NEDD4: variants seen among roughly 807,000 people sequenced by gnomAD.
NEDD4 encodes the protein E3 ubiquitin-protein ligase NEDD4.
Under a neutral mutation model 144.9 loss-of-function variants are expected in NEDD4, and 99 were observed. The ratio of observed to expected loss-of-function variants is 0.68; its 90% CI spans 0.58 to 0.81. NEDD4 has a LOEUF of 0.81. Ranked by LOEUF, NEDD4 falls within the 30% of genes least tolerant of loss-of-function variation. The pLI is 0.00. For missense variants in NEDD4, 985 were observed against 1,065.9 expected, an observed-to-expected ratio of 0.92 and a Z score of 1.06; for synonymous variants, 318 against 350.6, an observed-to-expected ratio of 0.91 and a Z score of 1.04.
intron 5 of NEDD4, among the ~76,000 whole-genome samples, chr15:55,907,044 A>G (rs1566944556): frequency 6.6e-6 from 1 of 152,018 alleles, no homozygotes; most frequent in Non-Finnish European, 1.5e-5. Context: ...GCAGTGAGCC[A>G]AGATCACGGC....
Position 55,838,089 on chromosome 15 carries a change from T to C in NEDD4, c.2201+18A>G. 1 of 1,320,996 alleles carries C rather than the reference T, an allele frequency of 7.6e-7. No homozygotes were observed. Among genetic ancestry groups the C allele is most frequent in the South Asian group, 1.3e-5 (1 of 76,304 alleles). 81.8% of individuals were successfully genotyped at this position (1,320,996 alleles called of 1,614,324 possible). On this transcript the variant is annotated intron_variant, in intron 23 of 28. Transcript: ENST00000435532. ...ACAAAATTATATCCAATAAAATACATACTAATAAAATACTTACTAAATATA... is the reference window on the plus strand; with the variant it reads ...ACAAAATTATATCCAATAAAATACACACTAATAAAATACTTACTAAATATA...
At chr15:55,961,623 A>C (rs1181415403) in intron 2 of NEDD4, among the ~76,000 whole-genome samples, 2 of 151,952 alleles carry the variant, frequency 1.3e-5, no homozygotes, top group African/African-American at 4.8e-5. Context: ...GGAGCCCACC[A>C]CCACACCCGG....
intron 8 of NEDD4, among the ~76,000 whole-genome samples, chr15:55,863,310 A>T (rs1216962519): frequency 6.6e-6 from 1 of 152,126 alleles, no homozygotes; most frequent in Non-Finnish European, 1.5e-5. Context: ...TTGTCTAAAA[A>T]TTTTTCAAAA....
intron 4 of NEDD4, among the ~76,000 whole-genome samples, chr15:55,930,824 T>A (rs939687996): frequency 1.3e-5 from 2 of 152,164 alleles, no homozygotes; most frequent in Admixed American, 6.5e-5. Flanking sequence ...ATGATATGCC[T>A]TTGCTTCTCC....
chr15:55,887,374 A>T (rs1343859928), intron 5 of NEDD4, among the ~76,000 whole-genome samples: 1 of 152,164 alleles, frequency 6.6e-6, no homozygotes, highest in Non-Finnish European at 1.5e-5. Flanking sequence ...TATATGCAAT[A>T]AATTGGAAAA....
At chr15:55,926,028 T>C (rs2036657284) in intron 4 of NEDD4, among the ~76,000 whole-genome samples, 1 of 152,030 alleles carries the variant, frequency 6.6e-6, no homozygotes, top group Non-Finnish European at 1.5e-5. Flanking sequence ...TACATATACG[T>C]ATGTATCATA....
At chr15:55,858,325 G>C (rs2034274731) in intron 11 of NEDD4, among the ~76,000 whole-genome samples, 1 of 150,238 alleles carries the variant, frequency 6.7e-6, no homozygotes, top group African/African-American at 2.5e-5. Flanking sequence ...TTTTTTTCTT[G>C]AGACGGAGTT....
chr15:55,894,069 T>C (rs1306563231), intron 5 of NEDD4, among the ~76,000 whole-genome samples: 1 of 152,044 alleles, frequency 6.6e-6, no homozygotes, highest in East Asian at 1.9e-4. Flanking sequence ...AAAATCATAG[T>C]GCTTTGGAAA....
intron 5 of NEDD4, among the ~76,000 whole-genome samples, chr15:55,883,765 TGAGA>T (rs1198177023): frequency 1.3e-5 from 2 of 151,386 alleles, no homozygotes; most frequent in African/African-American, 4.9e-5. Context: ...TATTTGTGTG[TGAGA>T]GAGAGAGACA....
chr15:55,910,687 T>C (rs1308347476), intron 5 of NEDD4, among the ~76,000 whole-genome samples: 1 of 152,162 alleles, frequency 6.6e-6, no homozygotes, highest in Non-Finnish European at 1.5e-5. Context: ...CCAACTGCCC[T>C]ACTTGAAAAC....
At chr15:55,968,973 T>C (rs564828953) in intron 1 of NEDD4, among the ~76,000 whole-genome samples, 1 of 152,116 alleles carries the variant, frequency 6.6e-6, no homozygotes, top group Admixed American at 6.5e-5. Flanking sequence ...GAACCAAAAA[T>C]CAGGTGACTG....
chr15:55,940,189 G>A (rs545774175), intron 4 of NEDD4, among the ~76,000 whole-genome samples: 1 of 152,150 alleles, frequency 6.6e-6, no homozygotes, highest in South Asian at 2.1e-4. Context: ...TAGAATGGTG[G>A]TTTAATACTA....
intron 5 of NEDD4, among the ~76,000 whole-genome samples, chr15:55,918,200 G>A (rs1291245059): frequency 1.3e-5 from 2 of 151,958 alleles, no homozygotes; most frequent in African/African-American, 2.4e-5. Flanking sequence ...AGAGAACAGT[G>A]GACTGTTTGT....
chr15:55,933,068 T>C (rs545289396), intron 4 of NEDD4, among the ~76,000 whole-genome samples: 3 of 152,274 alleles, frequency 2.0e-5, no homozygotes, highest in African/African-American at 7.2e-5. Context: ...AGGAACACTT[T>C]TACACTGTTG....
chr15:55,930,383 C>T (rs1299589725), intron 4 of NEDD4, among the ~76,000 whole-genome samples: 1 of 152,022 alleles, frequency 6.6e-6, no homozygotes, highest in South Asian at 2.1e-4. Context: ...TAAGACTAGC[C>T]TTGGAAGATG....
At chr15:55,982,375 G>A (rs1274755506) in intron 1 of NEDD4, among the ~76,000 whole-genome samples, 1 of 152,096 alleles carries the variant, frequency 6.6e-6, no homozygotes, top group African/African-American at 2.4e-5. Flanking sequence ...CAATCAATGT[G>A]TCCATCGAAG....
chr15:55,829,866 AG>A lies in NEDD4; in HGVS notation c.*30del, dbSNP rs2032860567. The A allele has an allele frequency of 6.5e-7, 1 of 1,537,272 alleles. No individual in the cohort carries two copies. The highest frequency in any genetic ancestry group is 1.9e-5 in the Admixed American group (1 of 53,990). The stretch of plus-strand genomic sequence containing the variant: ...AAGATTTTGGTTATAAAACTATGGC[AG>A]TAAAAACACTACAGATTGTTATTTG... On this transcript the variant is annotated 3_prime_UTR_variant, in exon 29 of 29. Coordinates refer to ENST00000435532, the MANE Select transcript of NEDD4 (RefSeq NM_006154.4).
intron 1 of NEDD4, among the ~76,000 whole-genome samples, chr15:55,980,179 G>A (rs1443564081): frequency 2.6e-5 from 4 of 152,060 alleles, no homozygotes; most frequent in Non-Finnish European, 5.9e-5. Flanking sequence ...TGATCTGCCT[G>A]CCTTTGGCCT....
chr15:55,963,153 A>G lies in NEDD4; in HGVS notation c.119+3320T>C, dbSNP rs1411407699. ...CTTTTTTATTTTTTTTTTTTTTGAG[A>G]CAGGGTCTCACTCTGTCGCCTAGGC... On this transcript the variant is annotated intron_variant, in intron 2 of 28. Transcript: ENST00000435532. Among the ~76,000 whole-genome samples, 8 of 111,826 alleles carry G rather than the reference A, an allele frequency of 7.2e-5. No homozygotes were observed. In the South Asian group the frequency reaches 2.0e-3, roughly 28 times the overall value. The allele number at this position is 111,826 out of a possible 152,430, so 73.4% of individuals were successfully genotyped here. A position where few individuals can be genotyped will look rare whatever the true frequency, so the allele number is the denominator to read the frequency against.
Sources: gnomAD v4.1 joint callset for allele counts (sites outside exome capture counted in the v4.1 genomes callset) on GRCh38, gnomAD v4.1.1 for gene constraint, MANE v1.5 for transcripts, NCBI Gene and HGNC (gene_info 2026-07-23, HGNC 2026-07-21) for gene names.